Variants in PLCG2 observed in about 807,000 individuals in gnomAD.
The protein encoded by PLCG2 is 1-phosphatidylinositol 4,5-bisphosphate phosphodiesterase gamma-2.
A neutral mutation model predicts 175.6 loss-of-function variants in PLCG2; 69 were observed. The observed-to-expected ratio is 0.39, with a 90% CI of 0.32 to 0.48. PLCG2 has a LOEUF of 0.48. Among genes scored for constraint, PLCG2 ranks in the 20% least tolerant of loss-of-function variants. The pLI is 0.91. For synonymous variants in PLCG2, 827 were observed against 624.0 expected, an observed-to-expected ratio of 1.33 and a Z score of -4.85; for missense variants, 1,798 against 1,650.9, an observed-to-expected ratio of 1.09 and a Z score of -1.54.
chr16:81,915,398 C>T (rs533384310), intron 19 of PLCG2, among the ~76,000 whole-genome samples: 25 of 152,244 alleles, frequency 1.6e-4, no homozygotes, highest in African/African-American at 5.1e-4. Flanking sequence ...AGTTGTTGCC[C>T]GGCTGTGATT....
chr16:81,804,144 G>C (rs1007972219), intron 2 of PLCG2, among the ~76,000 whole-genome samples: 2 of 152,206 alleles, frequency 1.3e-5, no homozygotes, highest in Non-Finnish European at 2.9e-5. Context: ...TGCCAAAGCA[G>C]TTGCACCATT....
intron 5 of PLCG2, among the ~76,000 whole-genome samples, chr16:81,861,539 A>C (rs902124530): frequency 6.6e-6 from 1 of 152,178 alleles, no homozygotes; most frequent in Non-Finnish European, 1.5e-5. Flanking sequence ...TCTTCTTCTC[A>C]TCCAAAATGC....
At chr16:81,876,395 G>A (rs1042659268) in intron 7 of PLCG2, among the ~76,000 whole-genome samples, 1 of 152,100 alleles carries the variant, frequency 6.6e-6, no homozygotes, top group Non-Finnish European at 1.5e-5. Context: ...AAGTACCACT[G>A]AGTGCGTAAG....
intron 32 of PLCG2, 149 bp from the exon 33 acceptor site, chr16:81,957,807 G>T: frequency 1.5e-6 from 1 of 661,608 alleles, no homozygotes; most frequent in Non-Finnish European, 2.7e-6. Flanking sequence ...GTCTTACCAG[G>T]AACTTGGAGT....
chr16:81,829,433 G>A (rs932091238), intron 2 of PLCG2, among the ~76,000 whole-genome samples: 3 of 152,180 alleles, frequency 2.0e-5, no homozygotes, highest in Non-Finnish European at 4.4e-5. Context: ...GACCAGGCTA[G>A]TCTCGAACTC....
At chr16:81,792,480 CAAAAAAAAAAAAAAAA>C (rs532680550) in intron 2 of PLCG2, among the ~76,000 whole-genome samples, 1 of 70,162 alleles carries the variant, frequency 1.4e-5, no homozygotes, top group Non-Finnish European at 2.5e-5. Context: ...GGCTCTGTCT[CAAAAAAAAAAAAAAAA>C]AAAAAAAAAA....
intron 2 of PLCG2, among the ~76,000 whole-genome samples, chr16:81,831,319 C>G (rs1905249573): frequency 6.6e-6 from 1 of 152,154 alleles, no homozygotes; most frequent in Admixed American, 6.5e-5. Flanking sequence ...TGGCTTTTAC[C>G]TACTCTTTGT....
At position 81,919,675 on chromosome 16, in the gene PLCG2, G is replaced by A. The variant is rs780756656; in HGVS notation, c.2235+11G>A. On this transcript the variant is annotated intron_variant, in intron 20 of 32. Transcript: ENST00000564138. The stretch of plus-strand genomic sequence containing the variant: ...GAGCGCTACAATATGGTAGGTGGTG[G>A]ACTCCCTTGTGATTTGGTGGGATTT... 3 of 1,606,420 alleles carry A rather than the reference G, an allele frequency of 1.9e-6. No individual in the cohort carries two copies. The highest frequency in any genetic ancestry group is 1.3e-5 in the African/African-American group (1 of 74,732).
chr16:81,779,651 C>A (rs1041202725), intron 1 of PLCG2, among the ~76,000 whole-genome samples: 1 of 152,022 alleles, frequency 6.6e-6, no homozygotes, highest in Non-Finnish European at 1.5e-5. Context: ...CCCGGGCCGG[C>A]GCCACCTCTC....
chr16:81,890,219 C>T (rs1162523471), intron 10 of PLCG2, among the ~76,000 whole-genome samples: 1 of 152,158 alleles, frequency 6.6e-6, no homozygotes, highest in African/African-American at 2.4e-5. Flanking sequence ...GGCTGGTAAC[C>T]AGTTAGTCTC....
intron 2 of PLCG2, chr16:81,766,974 T>A (rs1247777936): frequency 6.6e-6 from 1 of 152,034 alleles, no homozygotes; most frequent in Non-Finnish European, 1.5e-5. Context: ...CAGGAGGAAG[T>A]CCAAATGCCT....
At chr16:81,891,809 C>G (rs1434957330) in intron 11 of PLCG2, among the ~76,000 whole-genome samples, 1 of 152,104 alleles carries the variant, frequency 6.6e-6, no homozygotes, top group East Asian at 1.9e-4. Flanking sequence ...TTTCTGTGGC[C>G]CTAAAAAGCT....
At chr16:81,948,120 G>T (rs1274675101) in intron 31 of PLCG2, among the ~76,000 whole-genome samples, 2 of 135,726 alleles carry the variant, frequency 1.5e-5, no homozygotes, top group Non-Finnish European at 3.5e-5. Flanking sequence ...AATATTTTCT[G>T]ATTAAAAATT....
intron 22 of PLCG2, among the ~76,000 whole-genome samples, chr16:81,925,551 G>A (rs1466684425): frequency 1.3e-5 from 2 of 152,180 alleles, no homozygotes; most frequent in African/African-American, 4.8e-5. Context: ...CCAAAAAATT[G>A]TTAAGTTCTT....
rs780458908 is a variant in PLCG2 at position 81,937,843 on chromosome 16, G to C, written c.3138G>C (p.Glu1046Asp). The C allele has an allele frequency of 1.2e-6, 2 of 1,614,118 alleles. No homozygotes were observed. The highest frequency in any genetic ancestry group is 1.7e-6 in the Non-Finnish European group (2 of 1,179,968). Residue 1046 changes from glutamate (E) to aspartate (D), a missense_variant, in exon 28 of 33, where the codon GAG becomes GAC. By Grantham distance (45) the Glu-to-Asp change is conservative. Coordinates refer to ENST00000564138, the MANE Select transcript of PLCG2 (RefSeq NM_002661.5). ...YVLQPESMRT[E>D]KYDPMPPESQ... is the part of the protein sequence containing the mutation. ...TGCAGCCTGAGAGCATGAGGACAGA[G>C]AAATATGACCCGATGCCACCCGAGT...
intron 31 of PLCG2, among the ~76,000 whole-genome samples, chr16:81,950,143 C>T (rs879927121): frequency 2.0e-5 from 3 of 152,094 alleles, no homozygotes; most frequent in Non-Finnish European, 4.4e-5. Flanking sequence ...TAAGAACTTA[C>T]ATTTAATTTG....
At chr16:81,861,800 G>T (rs908142948) in intron 5 of PLCG2, among the ~76,000 whole-genome samples, 1 of 152,204 alleles carries the variant, frequency 6.6e-6, no homozygotes, top group African/African-American at 2.4e-5. Context: ...CTCTGAAGTC[G>T]GCTCTTCGTT....
chr16:81,833,611 C>T (rs1905363370), intron 2 of PLCG2, among the ~76,000 whole-genome samples: 1 of 151,478 alleles, frequency 6.6e-6, no homozygotes, highest in Admixed American at 6.6e-5. Flanking sequence ...CTCACTGTAC[C>T]TTCCACCTCC....
At chr16:81,863,784 T>G (rs1418437069) in intron 5 of PLCG2, among the ~76,000 whole-genome samples, 1 of 152,200 alleles carries the variant, frequency 6.6e-6, no homozygotes, top group Non-Finnish European at 1.5e-5. Context: ...TTTGCATAAG[T>G]AGAATGTGCA....
Sources: allele counts gnomAD v4.1 joint callset (sites outside exome capture counted in the v4.1 genomes callset), GRCh38; gene constraint gnomAD v4.1.1; transcripts MANE v1.5; gene names NCBI Gene and HGNC (gene_info 2026-07-23, HGNC 2026-07-21).